Variants in KPNA1 observed in about 807,000 individuals in gnomAD.
KPNA1 encodes the protein karyopherin subunit alpha 1.
A neutral mutation model predicts 70.5 loss-of-function variants in KPNA1; 10 were observed. The ratio of observed to expected loss-of-function variants is 0.14; its 90% CI spans 0.09 to 0.24. KPNA1 has a LOEUF of 0.24. Ranked by LOEUF, KPNA1 falls within the 10% of genes least tolerant of loss-of-function variation. The pLI is 1.00. For missense variants in KPNA1, 397 were observed against 637.9 expected (o/e 0.62, Z 4.07); for synonymous variants, 192 against 221.9 (o/e 0.87, Z 1.20).
rs781092837 is a variant in KPNA1, at chr3:122,461,210, A to C, written c.432+14T>G. ...GAATTAAGTTATGAGGCAATAAATA[A>C]AAATTATTCGCACCTGCAGTGTACA... On this transcript the variant is annotated intron_variant, in intron 5 of 13. Transcript: ENST00000344337. 9.1e-6 allele frequency: 14 copies of C among 1,533,340 alleles called. No individual in the cohort carries two copies. Among genetic ancestry groups the C allele is most frequent in the African/African-American group, 2.8e-5 (2 of 72,244 alleles). 95.0% of individuals were successfully genotyped at this position (1,533,340 alleles called of 1,614,324 possible).
At chr3:122,507,378 T>C (rs1007118114) in intron 1 of KPNA1, among the ~76,000 whole-genome samples, 1 of 150,192 alleles carries the variant, frequency 6.7e-6, no homozygotes. Context: ...ATGGCAGAGG[T>C]TGCAGTGAGC....
chr3:122,496,740 T>C lies in KPNA1; in HGVS notation c.-5-170A>G, dbSNP rs1449462284. The C allele has an allele frequency of 5.7e-6, 3 of 527,118 alleles. No individual in the cohort carries two copies. The South Asian group carries it at 7.4e-5, about 13-fold the overall frequency. The allele number at this position is 527,118 out of a possible 1,614,324, so 32.7% of individuals were successfully genotyped here. A position where few individuals can be genotyped will look rare whatever the true frequency, so the allele number is the denominator to read the frequency against. On this transcript the variant is annotated intron_variant, in intron 1 of 13. Transcript: ENST00000344337. ...TTTTTTGAGACAAGGTCTTGCTCTG[T>C]CCACCCGGACTGGAGTACAGTGGTG...
At chr3:122,450,483 G>A (rs1035571769) in intron 8 of KPNA1, among the ~76,000 whole-genome samples, 5 of 152,192 alleles carry the variant, frequency 3.3e-5, no homozygotes, top group Non-Finnish European at 7.3e-5. Context: ...TCGGGAGGCT[G>A]AGGCAGGAGA....
At position 122,426,502 on chromosome 3, in the gene KPNA1, A is replaced by G. The variant is rs1371568728; in HGVS notation, c.*483T>C. 1.3e-5 allele frequency: 2 copies of G among 152,890 alleles called. No homozygotes were observed. Among genetic ancestry groups the G allele is most frequent in the African/African-American group, 4.8e-5 (2 of 41,570 alleles). 9.5% of individuals were successfully genotyped at this position (152,890 alleles called of 1,614,324 possible). ...CAGGTAATCCAAGGGTTCACTGTGG[A>G]AGAACTCATGAAAAGTACTCTGAAG... On this transcript the variant is annotated 3_prime_UTR_variant, in exon 14 of 14. Coordinates refer to ENST00000344337, the MANE Select transcript of KPNA1 (RefSeq NM_002264.4).
At chr3:122,462,305 A>C (rs1474829284) in intron 4 of KPNA1, among the ~76,000 whole-genome samples, 1 of 152,216 alleles carries the variant, frequency 6.6e-6, no homozygotes, top group Non-Finnish European at 1.5e-5. Flanking sequence ...ATGACTTCAC[A>C]AACAAAACCT....
chr3:122,434,976 CTTA>C (rs1234289336), intron 11 of KPNA1, among the ~76,000 whole-genome samples: 1 of 152,138 alleles, frequency 6.6e-6, no homozygotes, highest in East Asian at 1.9e-4. Flanking sequence ...GTCAAAAACT[CTTA>C]TTATACCTGT....
rs753400385 is a variant in KPNA1 at position 122,453,842 on chromosome 3, C to T, written c.564+28G>A. 3 of 1,579,624 alleles carry T rather than the reference C, an allele frequency of 1.9e-6. No individual in the cohort carries two copies. The South Asian group carries it at 3.5e-5, about 18-fold the overall frequency. On this transcript the variant is annotated intron_variant, in intron 6 of 13. Transcript: ENST00000344337. Reference sequence around the variant, plus strand: ...ACATGCCCAGCCAAAAACTTTCTTTCACCTGCTTCTTTTTGTTTCATTTTT... The same window carrying T: ...ACATGCCCAGCCAAAAACTTTCTTTTACCTGCTTCTTTTTGTTTCATTTTT...
chr3:122,438,393 T>G (rs1336847372), intron 10 of KPNA1, among the ~76,000 whole-genome samples: 1 of 147,026 alleles, frequency 6.8e-6, no homozygotes, highest in Non-Finnish European at 1.5e-5. Context: ...CTTTTTTGTT[T>G]TTTTTTTTTT....
chr3:122,445,174 G>A (rs2076120288), intron 9 of KPNA1, among the ~76,000 whole-genome samples: 1 of 152,130 alleles, frequency 6.6e-6, no homozygotes, highest in South Asian at 2.1e-4. Flanking sequence ...TTAGACCAAC[G>A]GCTAACTAGA....
chr3:122,446,233 C>T (rs1048490847), intron 9 of KPNA1, among the ~76,000 whole-genome samples: 3 of 152,182 alleles, frequency 2.0e-5, no homozygotes, highest in Admixed American at 1.3e-4. Flanking sequence ...TTCTCAGCAC[C>T]ACATTGTACT....
chr3:122,495,907 T>C (rs972243480), intron 2 of KPNA1, among the ~76,000 whole-genome samples: 8 of 152,098 alleles, frequency 5.3e-5, no homozygotes, highest in African/African-American at 1.9e-4. Context: ...ATTCTGTGAA[T>C]GAAATTTTAC....
intron 5 of KPNA1, among the ~76,000 whole-genome samples, chr3:122,455,193 GA>G (rs1449549906): frequency 6.6e-6 from 1 of 152,184 alleles, no homozygotes; most frequent in Non-Finnish European, 1.5e-5. Flanking sequence ...AGGAAGACAG[GA>G]AAATGGGCCA....
chr3:122,492,537 T>C (rs1282836469), intron 2 of KPNA1, among the ~76,000 whole-genome samples: 1 of 152,218 alleles, frequency 6.6e-6, no homozygotes. Context: ...AGTATAAAAA[T>C]TGAGATTTCA....
chr3:122,431,109 T>G (rs971530092), intron 12 of KPNA1, among the ~76,000 whole-genome samples: 3 of 152,236 alleles, frequency 2.0e-5, no homozygotes, highest in African/African-American at 7.2e-5. Flanking sequence ...GTGTTATATA[T>G]GTATTAACAT....
At position 122,424,707 on chromosome 3, in the gene KPNA1, T is replaced by C. The variant is rs57518969; in HGVS notation, c.*2278A>G. The C allele has an allele frequency of 1.4e-4, 22 of 152,774 alleles. No homozygotes were observed. Among genetic ancestry groups the C allele is most frequent in the African/African-American group, 4.1e-4 (17 of 41,582 alleles). The allele number at this position is 152,774 out of a possible 1,614,324, so 9.5% of individuals were successfully genotyped here. A position where few individuals can be genotyped will look rare whatever the true frequency, so the allele number is the denominator to read the frequency against. On this transcript the variant is annotated 3_prime_UTR_variant, in exon 14 of 14. Transcript: ENST00000344337. ...GTGCTTTGTATCTTTCCCACTCAAA[T>C]TGGCTTATAAAATGAAATTATTTTA...
intron 1 of KPNA1, 91 bp from the exon 2 acceptor site, chr3:122,496,661 G>T: frequency 1.7e-6 from 2 of 1,176,726 alleles, no homozygotes; most frequent in Non-Finnish European, 2.4e-6. Flanking sequence ...TACATGCCCA[G>T]ACATATCCCA....
chr3:122,489,084 G>GTGT (rs2076665740), intron 2 of KPNA1, among the ~76,000 whole-genome samples: 1 of 146,606 alleles, frequency 6.8e-6, no homozygotes. Context: ...GTGTGTGTGT[G>GTGT]TCAGGGCAGG....
At chr3:122,464,953 G>A (rs559136378) in intron 3 of KPNA1, among the ~76,000 whole-genome samples, 8 of 152,138 alleles carry the variant, frequency 5.3e-5, no homozygotes, top group African/African-American at 1.7e-4. Context: ...TTTCAAAATT[G>A]CAAGACTGAT....
At chr3:122,470,045 T>C (rs2107752168) in intron 2 of KPNA1, among the ~76,000 whole-genome samples, 1 of 152,198 alleles carries the variant, frequency 6.6e-6, no homozygotes, top group African/African-American at 2.4e-5. Flanking sequence ...ATGATACAGG[T>C]CAGAAACTTG....
Sources: gnomAD v4.1 joint callset for allele counts (sites outside exome capture counted in the v4.1 genomes callset) on GRCh38, gnomAD v4.1.1 for gene constraint, MANE v1.5 for transcripts, NCBI Gene and HGNC (gene_info 2026-07-23, HGNC 2026-07-21) for gene names.